The following RIMS2 variants were observed in gnomAD, a reference collection of about 807,000 sequenced individuals.
RIMS2 encodes the protein regulating synaptic membrane exocytosis protein 2.
Under a neutral mutation model 174.4 loss-of-function variants are expected in RIMS2, and 59 were observed. The observed-to-expected ratio is 0.34, with a 90% confidence interval of 0.27 to 0.42. The LOEUF is 0.42. Ranked by LOEUF, RIMS2 falls within the 10% of genes least tolerant of loss-of-function variation. The pLI is 1.00. For missense variants in RIMS2, 1,620 were observed against 1,666.3 expected (o/e 0.97, Z 0.48); for synonymous variants, 606 against 572.5 (o/e 1.06, Z -0.84).
intron 19 of RIMS2, among the ~76,000 whole-genome samples, chr8:104,130,574 C>A (rs1358831713): frequency 6.6e-6 from 1 of 152,132 alleles, no homozygotes; most frequent in Non-Finnish European, 1.5e-5. Context: ...TCACCACATC[C>A]CCCTCTTCAG....
At chr8:103,851,644 TACACACACACACACACACACACACAC>T (rs10529078) in intron 3 of RIMS2, among the ~76,000 whole-genome samples, 4 of 136,602 alleles carry the variant, frequency 2.9e-5, no homozygotes, top group South Asian at 5.2e-4. Flanking sequence ...GAATGCTATG[TACACACACACACACACACACACACAC>T]ACACACACAC....
At chr8:104,197,885 T>G (rs1185375384) in intron 19 of RIMS2, among the ~76,000 whole-genome samples, 1 of 152,104 alleles carries the variant, frequency 6.6e-6, no homozygotes, top group African/African-American at 2.4e-5. Flanking sequence ...ACATTTTTTG[T>G]GTCCTCTTTT....
chr8:103,757,878 A>G (rs1181629914), intron 2 of RIMS2, among the ~76,000 whole-genome samples: 3 of 152,192 alleles, frequency 2.0e-5, no homozygotes, highest in Non-Finnish European at 2.9e-5. Context: ...TACTCACCAG[A>G]AGCTGATTGC....
chr8:103,791,578 C>T (rs1021831743), intron 3 of RIMS2, among the ~76,000 whole-genome samples: 7 of 151,990 alleles, frequency 4.6e-5, no homozygotes, highest in African/African-American at 1.7e-4. Flanking sequence ...CTATATTAAC[C>T]TTAAATATAA....
At chr8:103,511,997 T>C (rs1439153904) in intron 1 of RIMS2, among the ~76,000 whole-genome samples, 1 of 152,138 alleles carries the variant, frequency 6.6e-6, no homozygotes, top group East Asian at 1.9e-4. Context: ...GTGGGAACGT[T>C]GGTGGGACTT....
At chr8:104,038,889 A>C (rs2096563326) in intron 19 of RIMS2, among the ~76,000 whole-genome samples, 1 of 151,848 alleles carries the variant, frequency 6.6e-6, no homozygotes, top group Admixed American at 6.6e-5. Context: ...CTAAAGTTAT[A>C]TTTTTATGTA....
intron 16 of RIMS2, among the ~76,000 whole-genome samples, chr8:103,982,400 C>T (rs1186854605): frequency 2.0e-5 from 3 of 151,058 alleles, no homozygotes; most frequent in African/African-American, 7.3e-5. Flanking sequence ...TTCTACAAGG[C>T]CGTTATTACT....
chr8:103,919,893 G>T (rs1235010004), intron 9 of RIMS2, among the ~76,000 whole-genome samples: 1 of 151,764 alleles, frequency 6.6e-6, no homozygotes, highest in Non-Finnish European at 1.5e-5. Context: ...ATTATAAAAT[G>T]ATATTATCAT....
At chr8:103,772,502 A>G (rs3110461) in intron 3 of RIMS2, among the ~76,000 whole-genome samples, 51,145 of 151,962 alleles carry the variant, frequency 0.34, 9,491 homozygotes, top group East Asian at 0.77. Context: ...AGCACTGATG[A>G]AAGAAATAAA....
chr8:104,253,845 G>T (rs905710975), downstream of RIMS2: 3 of 152,028 alleles, frequency 2.0e-5, no homozygotes, highest in Non-Finnish European at 4.4e-5. Context: ...GCTTGATACG[G>T]TGCAAAAGTT....
At chr8:104,042,065 G>A (rs1356568814) in intron 19 of RIMS2, among the ~76,000 whole-genome samples, 2 of 151,146 alleles carry the variant, frequency 1.3e-5, no homozygotes, top group African/African-American at 4.8e-5. Flanking sequence ...CCTAGTGTGA[G>A]TGTATATATT....
intron 19 of RIMS2, among the ~76,000 whole-genome samples, chr8:104,086,158 T>G (rs2097533230): frequency 6.6e-6 from 1 of 151,064 alleles, no homozygotes; most frequent in Non-Finnish European, 1.5e-5. Context: ...TGGCAATATC[T>G]AAGAAGTCAT....
intron 1 of RIMS2, among the ~76,000 whole-genome samples, chr8:103,509,328 C>G (rs1316469431): frequency 6.6e-6 from 1 of 152,058 alleles, no homozygotes; most frequent in Non-Finnish European, 1.5e-5. Context: ...ATATTCCCTA[C>G]TCCCATTGAT....
chr8:104,245,103 A>G lies in RIMS2; in HGVS notation c.3476+46A>G, dbSNP rs907872654. 8 of 1,589,160 alleles carry G rather than the reference A, an allele frequency of 5.0e-6. No individual in the cohort carries two copies. In the African/African-American group the frequency reaches 5.4e-5, roughly 11 times the overall value. Reference sequence around the variant, plus strand: ...TGTGTGTCTCCTCCGTGCCTCACCTATCTCACTCTATGTGCTTTCACAGAG... The same window carrying G: ...TGTGTGTCTCCTCCGTGCCTCACCTGTCTCACTCTATGTGCTTTCACAGAG... On this transcript the variant is annotated intron_variant, in intron 20 of 23. Coordinates refer to ENST00000504942, the Ensembl canonical transcript of RIMS2.
chr8:103,521,744 G>A (rs138346538), intron 1 of RIMS2, among the ~76,000 whole-genome samples: 63 of 151,746 alleles, frequency 4.2e-4, no homozygotes, highest in African/African-American at 1.4e-3. Flanking sequence ...ACTCATATCA[G>A]GCAGCTGCAT....
At chr8:104,051,479 A>G (rs1290556169) in intron 19 of RIMS2, among the ~76,000 whole-genome samples, 2 of 152,076 alleles carry the variant, frequency 1.3e-5, no homozygotes, top group African/African-American at 4.8e-5. Flanking sequence ...ATTTAAGGAA[A>G]TCTGTAAAAA....
chr8:104,173,566 T>C (rs1198633377), intron 19 of RIMS2, among the ~76,000 whole-genome samples: 2 of 150,366 alleles, frequency 1.3e-5, no homozygotes, highest in Non-Finnish European at 3.0e-5. Context: ...AAGAAAAAAG[T>C]TATAAGCTAT....
At chr8:103,824,095 C>T (rs1309786324) in intron 3 of RIMS2, among the ~76,000 whole-genome samples, 1 of 151,948 alleles carries the variant, frequency 6.6e-6, no homozygotes, top group Non-Finnish European at 1.5e-5. Flanking sequence ...AGAATATTTA[C>T]TGTGGACCTT....
chr8:103,690,227 GT>G (rs1417004554), intron 1 of RIMS2, among the ~76,000 whole-genome samples: 1 of 152,184 alleles, frequency 6.6e-6, no homozygotes, highest in Non-Finnish European at 1.5e-5. Context: ...GCTTCCTGAA[GT>G]TCTGGGATTA....
Sources: gnomAD v4.1 joint callset for allele counts (sites outside exome capture counted in the v4.1 genomes callset) on GRCh38, gnomAD v4.1.1 for gene constraint, MANE v1.5 for transcripts, NCBI Gene and HGNC (gene_info 2026-07-23, HGNC 2026-07-21) for gene names.